DAB1: variants seen among roughly 807,000 people sequenced by gnomAD.
The protein encoded by DAB1 is DAB adaptor protein 1, also known as disabled homolog 1.
Under a neutral mutation model 64.6 loss-of-function variants are expected in DAB1, and 15 were observed. The ratio of observed to expected loss-of-function variants is 0.23; its 90% CI spans 0.16 to 0.36. The LOEUF (loss-of-function observed/expected upper bound fraction) is 0.36, where lower values mean the gene tolerates loss of function less well. Among genes scored for constraint, DAB1 ranks in the 10% least tolerant of loss-of-function variants. The pLI, the probability that DAB1 is intolerant of heterozygous loss-of-function variation, is 1.00. For synonymous variants in DAB1, 235 were observed against 251.9 expected (o/e 0.93, Z 0.64); for missense variants, 596 against 706.7 (o/e 0.84, Z 1.78).
At chr1:58,195,163 A>G (rs1376519233) in intron 4 of DAB1, among the ~76,000 whole-genome samples, 1 of 152,126 alleles carries the variant, frequency 6.6e-6, no homozygotes, top group Non-Finnish European at 1.5e-5. Flanking sequence ...AGAGAGAGAC[A>G]GAGAGAGATC....
rs1644102646 is a variant in DAB1, at chr1:57,487,127, A to AGAC, written n.625+162462_625+162464dup. Among the ~76,000 whole-genome samples the AGAC allele has an allele frequency of 2.0e-5, 3 of 152,134 alleles. No homozygotes were observed. The South Asian group carries it at 6.2e-4, about 32-fold the overall frequency. The stretch of plus-strand genomic sequence containing the variant: ...CCAGATGGTGGCCCAGGTCAAGTCT[A>AGAC]GACATTCAGCTTTTAGGGATGATGC... On this transcript the variant is annotated intron_variant and non_coding_transcript_variant, in intron 7 of 20. Coordinates refer to the DAB1 transcript ENST00000485760.
intron 1 of DAB1, among the ~76,000 whole-genome samples, chr1:57,848,439 C>T (rs573548842): frequency 6.6e-6 from 1 of 152,242 alleles, no homozygotes; most frequent in African/African-American, 2.4e-5. Context: ...GGGATTTATC[C>T]TGGACTACAC....
At chr1:57,454,500 A>G (rs952897298) in intron 7 of DAB1, among the ~76,000 whole-genome samples, 1 of 152,054 alleles carries the variant, frequency 6.6e-6, no homozygotes, top group Admixed American at 6.6e-5. Context: ...CCCGGGGTCT[A>G]CTTGAGGATG....
chr1:57,420,163 CA>C (rs1329556197), intron 1 of DAB1, among the ~76,000 whole-genome samples: 1 of 152,142 alleles, frequency 6.6e-6, no homozygotes, highest in East Asian at 1.9e-4. Context: ...TGCTAGCATC[CA>C]AAAATGGGGA....
At chr1:58,047,885 T>C (rs1219817161) in intron 5 of DAB1, 1 of 346,678 alleles carries the variant, frequency 2.9e-6, no homozygotes, top group Admixed American at 4.2e-5. Flanking sequence ...GACTATTACA[T>C]TTAGCAATCA....
At position 57,010,808 on chromosome 1, in the gene DAB1, A is replaced by T. The variant is rs534024730; in HGVS notation, c.1573-18T>A. On this transcript the variant is annotated intron_variant, in intron 13 of 14. Transcript: ENST00000371236. ...CCATCAGGCTAGAACACAAGAAGATAATACTTTTTTTTTTCTCTCTTTTCA... is the reference window on the plus strand; with the variant it reads ...CCATCAGGCTAGAACACAAGAAGATTATACTTTTTTTTTTCTCTCTTTTCA... The T allele has an allele frequency of 6.6e-7, 1 of 1,524,526 alleles. No individual in the cohort carries two copies. The highest frequency in any genetic ancestry group is 2.3e-5 in the East Asian group (1 of 43,612). The allele number at this position is 1,524,526 out of a possible 1,614,324, so 94.4% of individuals were successfully genotyped here. A position where few individuals can be genotyped will look rare whatever the true frequency, so the allele number is the denominator to read the frequency against.
In DAB1 at chr1:57,781,108, CTCTCTCTCTCTCTCTCTCTATATATATA is replaced by C. The variant is rs1261024084; in HGVS notation, n.551+102863_551+102890del. 8.3e-5 allele frequency among the ~76,000 whole-genome samples: 5 copies of C among 60,348 alleles called. No individual in the cohort carries two copies. In the East Asian group the frequency reaches 1.2e-3, roughly 15 times the overall value. The allele number at this position is 60,348 out of a possible 152,430, so 39.6% of individuals were successfully genotyped here. ...TCATTCTCTCTCTCTCTCTCTCTCTCTCTCTCTCTCTCTCTCTCTATATATATATATATATATATATATATATATATAT... is the reference window on the plus strand; with the variant it reads ...TCATTCTCTCTCTCTCTCTCTCTCTCTATATATATATATATATATATATAT... On this transcript the variant is annotated intron_variant and non_coding_transcript_variant, in intron 6 of 20. Transcript: ENST00000485760.
At chr1:57,957,796 C>T (rs1645425153) in intron 5 of DAB1, among the ~76,000 whole-genome samples, 1 of 152,050 alleles carries the variant, frequency 6.6e-6, no homozygotes, top group Non-Finnish European at 1.5e-5. Context: ...CACTGGTTTC[C>T]AAGTACAAAT....
intron 3 of DAB1, among the ~76,000 whole-genome samples, chr1:58,426,068 C>T (rs1295458076): frequency 6.6e-6 from 1 of 152,202 alleles, no homozygotes; most frequent in Non-Finnish European, 1.5e-5. Flanking sequence ...GTTTGCAAGG[C>T]ACTTTGCCAC....
At chr1:58,163,838 C>A (rs1655675414) in intron 4 of DAB1, among the ~76,000 whole-genome samples, 1 of 152,172 alleles carries the variant, frequency 6.6e-6, no homozygotes, top group Non-Finnish European at 1.5e-5. Flanking sequence ...TGTTCACACA[C>A]TCCTGGCTGA....
chr1:58,062,536 T>C (rs553712423), intron 5 of DAB1, among the ~76,000 whole-genome samples: 7 of 152,338 alleles, frequency 4.6e-5, no homozygotes, highest in Non-Finnish European at 8.8e-5. Flanking sequence ...CTTTGAAACA[T>C]CCATTTTTCA....
chr1:57,422,358 G>A (rs79382652), intron 1 of DAB1, among the ~76,000 whole-genome samples: 6,688 of 152,280 alleles, frequency 0.044, 161 homozygotes, highest in South Asian at 0.085. Context: ...CATCCAGCTC[G>A]CAGGAGGGCT....
chr1:57,990,067 C>A (rs1646308357), intron 5 of DAB1, among the ~76,000 whole-genome samples: 1 of 152,068 alleles, frequency 6.6e-6, no homozygotes, highest in South Asian at 2.1e-4. Flanking sequence ...CCCTGGGAAC[C>A]CATCACTGAA....
At chr1:58,228,448 C>T (rs1400889057) in intron 4 of DAB1, among the ~76,000 whole-genome samples, 2 of 152,012 alleles carry the variant, frequency 1.3e-5, no homozygotes, top group East Asian at 1.9e-4. Context: ...CCTCCCTGGG[C>T]AATGGCAAGA....
upstream of DAB1, among the ~76,000 whole-genome samples, chr1:57,887,606 C>G (rs1288037458): frequency 6.6e-6 from 1 of 152,170 alleles, no homozygotes; most frequent in South Asian, 2.1e-4. Context: ...GCTATTGATG[C>G]TTTAGTGATA....
At chr1:57,320,035 C>T (rs565123803) in intron 1 of DAB1, among the ~76,000 whole-genome samples, 33 of 152,310 alleles carry the variant, frequency 2.2e-4, no homozygotes, top group South Asian at 6.2e-4. Context: ...CTTGGGACCA[C>T]TCCCTCTGGG....
chr1:58,434,934 C>CA (rs1644925368), intron 3 of DAB1, among the ~76,000 whole-genome samples: 1 of 152,228 alleles, frequency 6.6e-6, no homozygotes, highest in African/African-American at 2.4e-5. Context: ...CCAAAACCAT[C>CA]AAAGACTTCC....
rs540211066 is a variant in DAB1 at position 57,093,214 on chromosome 1, C to T, written c.307-20800G>A. ...AGAGGCAGGTGGCTGCTCGTCACCT[C>T]CGTCTTTGCATCACAGAGGTATGTC... On this transcript the variant is annotated intron_variant, in intron 4 of 14. Coordinates refer to ENST00000371236, the MANE Select transcript of DAB1 (RefSeq NM_001365792.1). Among the ~76,000 whole-genome samples the T allele has an allele frequency of 7.9e-5, 12 of 152,274 alleles. No individual in the cohort carries two copies. The South Asian group carries it at 1.2e-3, about 16-fold the overall frequency.
intron 2 of DAB1, among the ~76,000 whole-genome samples, chr1:57,273,557 T>TGCCTG (rs1671194340): frequency 5.1e-5 from 5 of 98,582 alleles, no homozygotes; most frequent in African/African-American, 1.2e-4. Flanking sequence ...CTGCCTGCCT[T>TGCCTG]CCTTCCTTCC....
Sources: allele counts gnomAD v4.1 joint callset (sites outside exome capture counted in the v4.1 genomes callset), GRCh38; gene constraint gnomAD v4.1.1; transcripts MANE v1.5; gene names NCBI Gene and HGNC (gene_info 2026-07-23, HGNC 2026-07-21).